The following NTRK3 variants were observed in gnomAD, a reference collection of about 807,000 sequenced individuals.
NTRK3 encodes the protein NT-3 growth factor receptor.
A neutral mutation model predicts 91.7 loss-of-function variants in NTRK3; 24 were observed. That is an observed-to-expected ratio of 0.26 (90% CI 0.19 to 0.37). The LOEUF is 0.37. Among genes scored for constraint, NTRK3 ranks in the 10% least tolerant of loss-of-function variants. The pLI, the probability that NTRK3 is intolerant of heterozygous loss-of-function variation, is 1.00. For synonymous variants in NTRK3, 483 were observed against 404.0 expected (o/e 1.20, Z -2.34); for missense variants, 880 against 1,068.9 (o/e 0.82, Z 2.46).
chr15:88,180,630 ACTT>A (rs1211794061), intron 5 of NTRK3, among the ~76,000 whole-genome samples: 6 of 148,616 alleles, frequency 4.0e-5, no homozygotes, highest in African/African-American at 1.3e-4. Context: ...ATCACTTCCT[ACTT>A]CTTATTTTAT....
At chr15:87,898,492 G>A (rs1243867401) in intron 17 of NTRK3, among the ~76,000 whole-genome samples, 1 of 152,106 alleles carries the variant, frequency 6.6e-6, no homozygotes, top group Non-Finnish European at 1.5e-5. Context: ...GGGTGGGCTG[G>A]TTAGAATGTG....
At chr15:87,995,504 A>T (rs1052509012) in intron 14 of NTRK3, among the ~76,000 whole-genome samples, 3 of 152,212 alleles carry the variant, frequency 2.0e-5, no homozygotes, top group African/African-American at 7.2e-5. Flanking sequence ...GGGGAAGTAC[A>T]AGACACACTT....
Position 87,956,651 on chromosome 15 carries a change from C to T in NTRK3, c.1586-15898G>A, listed in dbSNP as rs181420827. Reference sequence around the variant, plus strand: ...GTGGTGCAATCTTGGCTCACAACAACCCCCGCCTCCTGGGTTCAAGCAATT... The same window carrying T: ...GTGGTGCAATCTTGGCTCACAACAATCCCCGCCTCCTGGGTTCAAGCAATT... On this transcript the variant is annotated intron_variant, in intron 14 of 18. Transcript: ENST00000394480. Among the ~76,000 whole-genome samples, 29 of 152,120 alleles carry T rather than the reference C, an allele frequency of 1.9e-4. No homozygotes were observed. The East Asian group carries it at 4.5e-3, about 23-fold the overall frequency.
chr15:87,865,616 T>C (rs1256368237), exon 19 of NTRK3: 1 of 217,232 alleles, frequency 4.6e-6, no homozygotes, highest in Non-Finnish European at 9.2e-6. Context: ...AAATTAGTTA[T>C]ACCACCAAAT....
At chr15:87,969,351 A>AT (rs1313561185) in intron 14 of NTRK3, among the ~76,000 whole-genome samples, 1 of 152,222 alleles carries the variant, frequency 6.6e-6, no homozygotes, top group African/African-American at 2.4e-5. Context: ...TTGTGCAAAT[A>AT]TCATTTCCAG....
chr15:88,082,713 T>C (rs2048164839), intron 13 of NTRK3, among the ~76,000 whole-genome samples: 1 of 152,224 alleles, frequency 6.6e-6, no homozygotes, highest in Admixed American at 6.5e-5. Flanking sequence ...TGATTCCTAC[T>C]CTAGAATACT....
chr15:88,136,988 C>A (rs2041938395), intron 7 of NTRK3, among the ~76,000 whole-genome samples: 1 of 152,174 alleles, frequency 6.6e-6, no homozygotes, highest in South Asian at 2.1e-4. Context: ...ATTTCTGGGA[C>A]CCATCCCCAG....
intron 3 of NTRK3, 75 bp from the exon 4 acceptor site, chr15:88,184,374 T>C: frequency 7.1e-7 from 1 of 1,406,640 alleles, no homozygotes; most frequent in Non-Finnish European, 9.9e-7. Context: ...CACAGAGACC[T>C]GGCTTTGATC....
intron 3 of NTRK3, among the ~76,000 whole-genome samples, chr15:88,226,124 C>T (rs1425064390): frequency 2.0e-5 from 3 of 152,210 alleles, no homozygotes; most frequent in Non-Finnish European, 2.9e-5. Context: ...TCCTTTCAGG[C>T]CTCAGTTTCC....
chr15:87,979,164 C>T (rs2073983274), intron 14 of NTRK3: 1 of 647,048 alleles, frequency 1.5e-6, no homozygotes, highest in Non-Finnish European at 2.8e-6. Context: ...GCAACCCTGC[C>T]AGTGGTGGAT....
chr15:88,254,694 C>T (rs149565701), intron 3 of NTRK3, among the ~76,000 whole-genome samples: 2 of 152,158 alleles, frequency 1.3e-5, no homozygotes, highest in Non-Finnish European at 2.9e-5. Context: ...CCCTTAAGTC[C>T]GTCGAAGGGG....
intron 3 of NTRK3, among the ~76,000 whole-genome samples, chr15:88,254,434 G>A (rs1241543749): frequency 4.6e-5 from 7 of 152,130 alleles, no homozygotes; most frequent in Admixed American, 4.6e-4. Flanking sequence ...AGAGGGTAAG[G>A]GGGTGAACAG....
chr15:88,072,168 C>A (rs894364341), intron 13 of NTRK3, among the ~76,000 whole-genome samples: 12 of 151,838 alleles, frequency 7.9e-5, no homozygotes, highest in East Asian at 3.9e-4. Flanking sequence ...CCATGCCTGG[C>A]TAATTTTTTG....
intron 14 of NTRK3, among the ~76,000 whole-genome samples, chr15:87,943,212 G>C (rs1047142591): frequency 1.3e-5 from 2 of 152,112 alleles, no homozygotes; most frequent in Admixed American, 1.3e-4. Flanking sequence ...ACCAGAACAC[G>C]GCTTCTTTGG....
chr15:88,047,463 T>C (rs1041519983), intron 13 of NTRK3, among the ~76,000 whole-genome samples: 7 of 152,108 alleles, frequency 4.6e-5, no homozygotes, highest in Admixed American at 2.0e-4. Context: ...CATCTGAAAA[T>C]GTATAAATGC....
intron 14 of NTRK3, among the ~76,000 whole-genome samples, chr15:87,989,080 T>C (rs2075081715): frequency 6.6e-6 from 1 of 152,182 alleles, no homozygotes; most frequent in African/African-American, 2.4e-5. Context: ...TCAACCATTG[T>C]GGAAGACAGT....
intron 9 of NTRK3, 114 bp from the exon 10 acceptor site, chr15:88,135,511 C>G (rs1441482746): frequency 4.1e-6 from 5 of 1,216,144 alleles, no homozygotes; most frequent in South Asian, 3.9e-5. Context: ...TCTGAAAAGG[C>G]TGAGGGAAGC....
chr15:88,075,462 C>T (rs115529987), intron 13 of NTRK3, among the ~76,000 whole-genome samples: 48 of 152,296 alleles, frequency 3.2e-4, no homozygotes, highest in African/African-American at 9.9e-4. Flanking sequence ...TAATAGACAA[C>T]GCCCTGAAAG....
chr15:87,925,385 C>A (rs1178633146), intron 17 of NTRK3, among the ~76,000 whole-genome samples: 3 of 151,954 alleles, frequency 2.0e-5, no homozygotes, highest in Non-Finnish European at 4.4e-5. Flanking sequence ...CATCTCTCCC[C>A]ATGCCCTTAT....
Sources: gnomAD v4.1 joint callset for allele counts (sites outside exome capture counted in the v4.1 genomes callset) on GRCh38, gnomAD v4.1.1 for gene constraint, MANE v1.5 for transcripts, NCBI Gene and HGNC (gene_info 2026-07-23, HGNC 2026-07-21) for gene names.